The following DCTN1 variants were observed in gnomAD, a reference collection of about 807,000 sequenced individuals.
DCTN1 encodes 150 kDa dynein-associated polypeptide.
Under a neutral mutation model 161.2 loss-of-function variants are expected in DCTN1, and 61 were observed. The observed-to-expected ratio is 0.38, with a 90% CI of 0.31 to 0.47. DCTN1 has a LOEUF of 0.47. Among genes scored for constraint, DCTN1 ranks in the 20% least tolerant of loss-of-function variants. DCTN1 has a pLI of 0.99. For synonymous variants in DCTN1, 653 were observed against 632.4 expected (o/e 1.03, Z -0.49); for missense variants, 1,404 against 1,623.7 (o/e 0.86, Z 2.33).
chr2:74,380,143 C>A lies in DCTN1; in HGVS notation c.-106G>T. On this transcript the variant is annotated 5_prime_UTR_variant, in exon 1 of 32. Coordinates refer to ENST00000628224, the MANE Select transcript of DCTN1 (RefSeq NM_004082.5). ...GGCGCTGGGCCCTCATAGAGGGACACAGGAGTCGTCAGGCACAGCCCTCCC... is the reference window on the plus strand; with the variant it reads ...GGCGCTGGGCCCTCATAGAGGGACAAAGGAGTCGTCAGGCACAGCCCTCCC... The A allele has an allele frequency of 8.3e-7, 1 of 1,207,756 alleles. No individual in the cohort carries two copies. The highest frequency in any genetic ancestry group is 1.2e-6 in the Non-Finnish European group (1 of 825,638). The allele number at this position is 1,207,756 out of a possible 1,614,324, so 74.8% of individuals were successfully genotyped here.
chr2:74,369,251 A>G lies in DCTN1; in HGVS notation c.1585-37T>C. 6.2e-7 allele frequency: 1 copy of G among 1,614,178 alleles called. No homozygotes were observed. The highest frequency in any genetic ancestry group is 8.5e-7 in the Non-Finnish European group (1 of 1,179,976). On this transcript the variant is annotated intron_variant, in intron 14 of 31. Coordinates refer to ENST00000628224, the MANE Select transcript of DCTN1 (RefSeq NM_004082.5). This position sits in a 1 kb window ranked among gnomAD's most constrained non-coding sequence, Gnocchi z 4.9. ...GACAGTGAAGCACAGCTGGGTCATA[A>G]GGAAGCCCTGGGGTGATGGTGGGCA...
intron 8 of DCTN1, 156 bp downstream of exon 8, chr2:74,371,381 G>A (rs1674832075): frequency 7.8e-7 from 1 of 1,274,706 alleles, no homozygotes; most frequent in African/African-American, 1.5e-5. Context: ...AGGAAAGGAT[G>A]GCTCAGTCAG....
rs1675345515 is a variant in DCTN1 at position 74,378,325 on chromosome 2, C to G, written c.34-80G>C. The G allele has an allele frequency of 3.2e-6, 5 of 1,563,212 alleles. No individual in the cohort carries two copies. The East Asian group carries it at 1.1e-4, about 35-fold the overall frequency. ...TCTTATGTATAAGAAATGCCTCAGC[C>G]AAGATGCTGGACTGAAAAACAACCA... is the stretch of plus-strand genomic sequence containing the variant. On this transcript the variant is annotated intron_variant, in intron 1 of 31. Transcript: ENST00000628224.
At chr2:74,376,187 G>A (rs982268127) in intron 5 of DCTN1, among the ~76,000 whole-genome samples, 1 of 152,162 alleles carries the variant, frequency 6.6e-6, no homozygotes, top group Non-Finnish European at 1.5e-5. Flanking sequence ...CCAGAGGAAG[G>A]AGACAGGGAC....
intron 16 of DCTN1, 31 bp downstream of exon 16, chr2:74,368,697 T>C (rs748823937): frequency 1.2e-6 from 2 of 1,614,218 alleles, no homozygotes; most frequent in South Asian, 2.2e-5. Context: ...TTCACTAGAT[T>C]TCTGTGGAAC....
chr2:74,382,102 C>T (rs1273453165), upstream of DCTN1, among the ~76,000 whole-genome samples: 3 of 152,154 alleles, frequency 2.0e-5, no homozygotes, highest in African/African-American at 7.2e-5. Context: ...TCTAGGCTTC[C>T]AAGGCCCTGC....
In DCTN1 at chr2:74,370,368, G is replaced by A. The variant is rs1369215268; in HGVS notation, c.1128-23C>T. On this transcript the variant is annotated intron_variant, in intron 11 of 31. Transcript: ENST00000628224. The surrounding 1 kb of genome is among the most constrained non-coding windows in gnomAD (Gnocchi z 4.4). ...ATCCTGCAGGGATGTGAGGAAGGCA[G>A]AAGGAGGAAAGCACGTGTCAGAGTC... The A allele has an allele frequency of 4.3e-6, 7 of 1,613,900 alleles. No individual in the cohort carries two copies. The African/African-American group carries it at 9.3e-5, about 22-fold the overall frequency.
Position 74,369,611 on chromosome 2 carries a change from G to T in DCTN1, c.1393-120C>A. On this transcript the variant is annotated intron_variant, in intron 13 of 31. Transcript: ENST00000628224. The surrounding 1 kb of genome is among the most constrained non-coding windows in gnomAD (Gnocchi z 4.9). ...GCAGGCGGATCATGAGGTCGAGATC[G>T]AGATCATGCTGGCCAACATGGTGAA... 9.6e-7 allele frequency: 1 copy of T among 1,036,574 alleles called. No homozygotes were observed. Among genetic ancestry groups the T allele is most frequent in the Non-Finnish European group, 1.5e-6 (1 of 667,704 alleles). 64.2% of individuals were successfully genotyped at this position (1,036,574 alleles called of 1,614,324 possible). A position where few individuals can be genotyped will look rare whatever the true frequency, so the allele number is the denominator to read the frequency against.
chr2:74,382,268 G>A (rs1339591235), upstream of DCTN1, among the ~76,000 whole-genome samples: 8 of 152,184 alleles, frequency 5.3e-5, no homozygotes, highest in South Asian at 2.1e-4. Flanking sequence ...CCATATCTAC[G>A]TCAGTATCAT....
intron 30 of DCTN1, 38 bp from the exon 31 acceptor site, chr2:74,362,179 G>C (rs1024169640): frequency 6.3e-7 from 1 of 1,594,180 alleles, no homozygotes; most frequent in East Asian, 2.2e-5. Flanking sequence ...TTCATTTATG[G>C]GACCCCCACA....
chr2:74,363,403 C>T lies in DCTN1; in HGVS notation c.3236G>A (p.Gly1079Glu). 1.9e-6 allele frequency: 3 copies of T among 1,612,458 alleles called. No individual in the cohort carries two copies. Among genetic ancestry groups the T allele is most frequent in the Non-Finnish European group, 2.5e-6 (3 of 1,179,654 alleles). Residue 1079 changes from glycine (G) to glutamate (E), a missense_variant, in exon 28 of 32, where the codon GGG becomes GAG. Gly to Glu is a moderately conservative substitution (Grantham distance 98). Coordinates refer to ENST00000628224, the MANE Select transcript of DCTN1 (RefSeq NM_004082.5). ...QRGAIPGQAP[G>E]SVPGPGLVKD... ...CACCAGCCCTGGGCCTGGCACAGAC[C>T]CTGGAGCCTGCCCAGGGATGGCTCC...
In DCTN1 at chr2:74,370,084, G is replaced by A; in HGVS notation, c.1288-15C>T. 1.2e-6 allele frequency: 2 copies of A among 1,614,174 alleles called. No individual in the cohort carries two copies. Reference sequence around the variant, plus strand: ...GCAGCATCCACCTGTGTTACGGGGAGGATAGGGAGAAGGGCTGCTGGAAGG... The same window carrying A: ...GCAGCATCCACCTGTGTTACGGGGAAGATAGGGAGAAGGGCTGCTGGAAGG... On this transcript the variant is annotated splice_polypyrimidine_tract_variant and intron_variant, in intron 12 of 31. Transcript: ENST00000628224. This position sits in a 1 kb window ranked among gnomAD's most constrained non-coding sequence, Gnocchi z 4.4.
chr2:74,377,966 C>T (rs1320027870), intron 2 of DCTN1, 34 bp downstream of exon 2: 2 of 1,611,936 alleles, frequency 1.2e-6, no homozygotes, highest in African/African-American at 2.7e-5. Flanking sequence ...GACATGTGCA[C>T]ACATGCACAG....
Position 74,388,842 on chromosome 2 carries a change from GA to G in DCTN1, c.-19+2951del, listed in dbSNP as rs1157726783. Among the ~76,000 whole-genome samples, 5 of 152,278 alleles carry G rather than the reference GA, an allele frequency of 3.3e-5. No homozygotes were observed. In the East Asian group the frequency reaches 9.7e-4, roughly 29 times the overall value. On this transcript the variant is annotated intron_variant, in intron 1 of 27. Transcript: ENST00000409240. ...AACTGGCTCTGACAGCTTTCCCTGAGAGTAGCTCCACTCTTGAAGACCACCA... is the reference window on the plus strand; with the variant it reads ...AACTGGCTCTGACAGCTTTCCCTGAGGTAGCTCCACTCTTGAAGACCACCA...
In DCTN1 at chr2:74,366,787, G is replaced by A. The variant is rs768001704; in HGVS notation, c.2462C>T (p.Pro821Leu). 1 of 1,614,110 alleles carries A rather than the reference G, an allele frequency of 6.2e-7. No homozygotes were observed. Residue 821 changes from proline to leucine, a missense_variant, in exon 21 of 32, where the codon CCA becomes CTA. Pro to Leu is a moderately conservative substitution (Grantham distance 98). Coordinates refer to ENST00000628224, the MANE Select transcript of DCTN1 (RefSeq NM_004082.5). ...TCCCCAGTTGCAGCCTTAAACCTGT[G>A]GTCCAAAGGCCAGTGCAGCTGGGAT... ...PGIPAALAFG[P>L]QVSDTLLDCR...
At chr2:74,362,854 T>C (rs1302898349) in intron 29 of DCTN1, 125 bp from the exon 30 acceptor site, 12 of 1,310,446 alleles carry the variant, frequency 9.2e-6, no homozygotes, top group South Asian at 3.8e-5. Flanking sequence ...AGTGGGTGAA[T>C]CAAACAAACT....
At chr2:74,391,660 G>A (rs1207097356) in intron 1 of DCTN1, 3 of 374,322 alleles carry the variant, frequency 8.0e-6, no homozygotes, top group Non-Finnish European at 1.6e-5. Context: ...CGGAGCCCCC[G>A]GACCCCGACA....
At chr2:74,364,820 T>C (rs959190751) in intron 26 of DCTN1, 4 of 541,026 alleles carry the variant, frequency 7.4e-6, no homozygotes, top group Non-Finnish European at 1.3e-5. Flanking sequence ...GGACATCTAC[T>C]AGAGACCAAC....
At position 74,362,203 on chromosome 2, in the gene DCTN1, C is replaced by A. The variant is rs57084028; in HGVS notation, c.3610-62G>T. The A allele has an allele frequency of 5.0e-3, 7,522 of 1,501,438 alleles. 339 individuals carry two copies. In the African/African-American group the frequency reaches 0.09, roughly 18 times the overall value. The allele number at this position is 1,501,438 out of a possible 1,614,324, so 93.0% of individuals were successfully genotyped here. A position where few individuals can be genotyped will look rare whatever the true frequency, so the allele number is the denominator to read the frequency against. ...GGGACCCCCACAGGCTAGCACAAGA[C>A]CACGTGGTTTCACAGAGACACTAAT... is the stretch of plus-strand genomic sequence containing the variant. On this transcript the variant is annotated intron_variant, in intron 30 of 31. Transcript: ENST00000628224.
Sources: gnomAD v4.1 joint callset for allele counts (sites outside exome capture counted in the v4.1 genomes callset) on GRCh38, gnomAD v4.1.1 for gene constraint, Gnocchi (gnomAD v3.1) non-coding constraint, MANE v1.5 for transcripts, NCBI Gene and HGNC (gene_info 2026-07-23, HGNC 2026-07-21) for gene names.